The following RARS1 variants were observed in gnomAD, a reference collection of about 807,000 sequenced individuals.
RARS1 encodes arginyl-tRNA synthetase 1.
A neutral mutation model predicts 78.7 loss-of-function variants in RARS1; 75 were observed. The ratio of observed to expected loss-of-function variants is 0.95; its 90% confidence interval spans 0.79 to 1.15. RARS1 has a LOEUF of 1.15. Ranked by LOEUF, RARS1 falls within the 50% of genes most tolerant of loss-of-function variation. The probability of loss-of-function intolerance (pLI) is 0.00; values close to 1 mark genes in which losing one functional copy is unlikely to be tolerated. For missense variants in RARS1, 787 were observed against 787.5 expected, an observed-to-expected ratio of 1.00 and a Z score of 0.01; for synonymous variants, 273 against 268.2, an observed-to-expected ratio of 1.02 and a Z score of -0.18.
At chr5:168,506,695 G>T in intron 10 of RARS1, 27 bp from the exon 11 acceptor site, 15 of 1,503,224 alleles carry the variant, frequency 1.0e-5, no homozygotes, top group Non-Finnish European at 1.4e-5. Context: ...AAGAAGACTA[G>T]CAAGTAACTT....
chr5:168,499,722 A>G (rs997741601), intron 7 of RARS1, among the ~76,000 whole-genome samples: 1 of 152,086 alleles, frequency 6.6e-6, no homozygotes, highest in Non-Finnish European at 1.5e-5. Flanking sequence ...AAAAAAAGCC[A>G]TTTCCAATTT....
intron 12 of RARS1, among the ~76,000 whole-genome samples, chr5:168,511,410 G>A (rs755923677): frequency 2.6e-5 from 4 of 151,904 alleles, no homozygotes; most frequent in Admixed American, 6.6e-5. Flanking sequence ...TAAAGCAGGA[G>A]CAAGAGAGAG....
chr5:168,512,109 C>T (rs981465752), intron 12 of RARS1, among the ~76,000 whole-genome samples: 2 of 151,434 alleles, frequency 1.3e-5, no homozygotes, highest in African/African-American at 4.9e-5. Context: ...CCTTGCCGTC[C>T]CAAAGTGCTA....
intron 7 of RARS1, among the ~76,000 whole-genome samples, chr5:168,499,633 C>T (rs1045582667): frequency 1.3e-5 from 2 of 151,234 alleles, no homozygotes; most frequent in Admixed American, 6.6e-5. Context: ...TTCTGTACTT[C>T]GAATATAATG....
chr5:168,493,901 A>G lies in RARS1; in HGVS notation c.377A>G (p.Lys126Arg), dbSNP rs1582428619. Residue 126 changes from lysine to arginine, a missense_variant, in exon 4 of 15, where the codon AAA becomes AGA. Lys to Arg is a conservative substitution (Grantham distance 26). Coordinates refer to ENST00000231572, the MANE Select transcript of RARS1 (RefSeq NM_002887.4). ...TTTTATATTGTGTTGTAGATGCTCAAAACCAAGGAACAGAAAGTTAATCCA... is the reference window on the plus strand; with the variant it reads ...TTTTATATTGTGTTGTAGATGCTCAGAACCAAGGAACAGAAAGTTAATCCA... ...NSAMGISQML[K>R]TKEQKVNPRE... The G allele has an allele frequency of 6.2e-7, 1 of 1,610,166 alleles. No homozygotes were observed. Among genetic ancestry groups the G allele is most frequent in the South Asian group, 1.1e-5 (1 of 90,924 alleles).
intron 6 of RARS1, 106 bp downstream of exon 6, chr5:168,495,542 A>G: frequency 6.8e-7 from 1 of 1,461,338 alleles, no homozygotes; most frequent in Admixed American, 2.0e-5. Context: ...CGACTAAATC[A>G]GTGGTTCATC....
intron 1 of RARS1, among the ~76,000 whole-genome samples, chr5:168,486,861 A>AT (rs1386796434): frequency 6.6e-6 from 1 of 152,118 alleles, no homozygotes; most frequent in East Asian, 1.9e-4. Flanking sequence ...CCTCTTCTGC[A>AT]TACACACGCG....
Position 168,494,596 on chromosome 5 carries a change from G to A in RARS1, c.525G>A (p.Leu175=). 2 of 1,611,386 alleles carry A rather than the reference G, an allele frequency of 1.2e-6. No homozygotes were observed. Among genetic ancestry groups the A allele is most frequent in the Non-Finnish European group, 1.7e-6 (2 of 1,177,586 alleles). ...HLRKDFVSEQ[L]TSLLVNGVQL... ...GAAAGGATTTTGTATCAGAACAATT[G>A]ACCAGTCTTCTAGTGAATGGAGTTC... Residue 175 remains leucine (L), a synonymous_variant, in exon 5 of 15, where the codon TTG becomes TTA. Transcript: ENST00000231572.
chr5:168,514,367 C>T (rs973525041), intron 12 of RARS1, among the ~76,000 whole-genome samples: 3 of 152,062 alleles, frequency 2.0e-5, no homozygotes, highest in South Asian at 2.1e-4. Context: ...TTGTATCTCA[C>T]GTGTTTCTTA....
At chr5:168,495,045 G>T in intron 5 of RARS1, 2 of 408,550 alleles carry the variant, frequency 4.9e-6, no homozygotes, top group South Asian at 5.2e-5. Context: ...ATTTGAGGTA[G>T]CCAATTGATA....
chr5:168,510,327 G>A (rs112386681), intron 11 of RARS1, among the ~76,000 whole-genome samples: 238 of 152,310 alleles, frequency 1.6e-3, no homozygotes, highest in African/African-American at 5.0e-3. Context: ...GATGCTTTGA[G>A]TTGAGGGCTA....
intron 11 of RARS1, among the ~76,000 whole-genome samples, chr5:168,508,126 G>A (rs764279372): frequency 6.6e-6 from 1 of 152,108 alleles, no homozygotes; most frequent in Non-Finnish European, 1.5e-5. Context: ...TTACTTAATA[G>A]TATCTTAGTT....
chr5:168,506,712 T>A lies in RARS1; in HGVS notation c.1237-10T>A, dbSNP rs758256326. 6.3e-7 allele frequency: 1 copy of A among 1,587,458 alleles called. No individual in the cohort carries two copies. The highest frequency in any genetic ancestry group is 8.6e-7 in the Non-Finnish European group (1 of 1,164,760). ...GAAGACTAGCAAGTAACTTTCCGTT[T>A]CTGTTGTAGTCTGTGCACTTCCAGA... is the stretch of plus-strand genomic sequence containing the variant. On this transcript the variant is annotated splice_polypyrimidine_tract_variant and intron_variant, in intron 10 of 14. Coordinates refer to ENST00000231572, the MANE Select transcript of RARS1 (RefSeq NM_002887.4).
intron 9 of RARS1, among the ~76,000 whole-genome samples, chr5:168,502,384 A>ATATATATATT: frequency 7.9e-6 from 1 of 127,234 alleles, no homozygotes; most frequent in South Asian, 2.5e-4. Context: ...ATATATATAT[A>ATATATATATT]TTTTTTTTTT....
chr5:168,494,494 C>G, intron 4 of RARS1, 56 bp from the exon 5 acceptor site: 2 of 1,594,528 alleles, frequency 1.3e-6, no homozygotes, highest in South Asian at 1.1e-5. Flanking sequence ...TCCTTAGGAG[C>G]GAGTGATTAT....
At chr5:168,518,933 A>T in intron 14 of RARS1, 148 bp from the exon 15 acceptor site, 1 of 569,148 alleles carries the variant, frequency 1.8e-6, no homozygotes, top group Non-Finnish European at 3.1e-6. Context: ...TCATAGTTTA[A>T]GGTAAAGAAG....
intron 12 of RARS1, 82 bp downstream of exon 12, chr5:168,510,768 A>T: frequency 1.0e-6 from 1 of 955,630 alleles, no homozygotes; most frequent in Non-Finnish European, 1.6e-6. Flanking sequence ...ACTGAGGAGA[A>T]GTGTGAGGAG....
intron 1 of RARS1, chr5:168,488,201 C>T (rs1561818089): frequency 2.6e-6 from 1 of 390,488 alleles, no homozygotes; most frequent in South Asian, 1.8e-5. Context: ...GATCTCGACT[C>T]ACCGCAACCT....
chr5:168,502,953 T>C (rs958111247), intron 9 of RARS1, among the ~76,000 whole-genome samples: 4 of 152,262 alleles, frequency 2.6e-5, no homozygotes, highest in Admixed American at 1.3e-4. Context: ...TTTCTTTTAT[T>C]GTTGAAGAAA....
Sources: gnomAD v4.1 joint callset for allele counts (sites outside exome capture counted in the v4.1 genomes callset) on GRCh38, gnomAD v4.1.1 for gene constraint, MANE v1.5 for transcripts, NCBI Gene and HGNC (gene_info 2026-07-23, HGNC 2026-07-21) for gene names.